Variants in EIF4G3 observed in about 807,000 individuals in gnomAD.
EIF4G3 encodes the protein eIF-4-gamma 3.
EIF4G3 carries 34 observed loss-of-function variants against 186.4 expected under a neutral mutation model. The ratio of observed to expected loss-of-function variants is 0.18; its 90% CI spans 0.14 to 0.24. The LOEUF (loss-of-function observed/expected upper bound fraction) is 0.24, where lower values mean the gene tolerates loss of function less well. Ranked by LOEUF, EIF4G3 falls within the 10% of genes least tolerant of loss-of-function variation. The pLI, the probability that EIF4G3 is intolerant of heterozygous loss-of-function variation, is 1.00. For missense variants in EIF4G3, 1,536 were observed against 1,948.5 expected (o/e 0.79, Z 3.99); for synonymous variants, 673 against 679.5 (o/e 0.99, Z 0.15).
intron 2 of EIF4G3, among the ~76,000 whole-genome samples, chr1:21,147,742 A>T (rs2097474510): frequency 6.6e-6 from 1 of 152,248 alleles, no homozygotes; most frequent in African/African-American, 2.4e-5. Context: ...AGAAAAAAAT[A>T]AGCCTTACAA....
At chr1:20,877,983 A>G (rs2081333806) in intron 20 of EIF4G3, among the ~76,000 whole-genome samples, 1 of 152,112 alleles carries the variant, frequency 6.6e-6, no homozygotes, top group African/African-American at 2.4e-5. Context: ...AGCTGGGATT[A>G]CAGGCGCACG....
intron 29 of EIF4G3, among the ~76,000 whole-genome samples, chr1:20,849,046 C>CAAAAAAAAA (rs60344352): frequency 1.1e-4 from 2 of 17,400 alleles, no homozygotes; most frequent in African/African-American, 3.2e-4. Context: ...GACTCTGTCT[C>CAAAAAAAAA]AAAAAAAAAA....
chr1:20,940,453 G>A (rs1186531192), intron 14 of EIF4G3, among the ~76,000 whole-genome samples: 1 of 152,164 alleles, frequency 6.6e-6, no homozygotes, highest in African/African-American at 2.4e-5. Context: ...GAACTGAGCT[G>A]GGTAGAAAAG....
chr1:21,018,510 A>C (rs1016893847), intron 4 of EIF4G3, among the ~76,000 whole-genome samples: 1 of 151,800 alleles, frequency 6.6e-6, no homozygotes, highest in Non-Finnish European at 1.5e-5. Flanking sequence ...CAGTGAGCTG[A>C]GATCACGCCA....
chr1:20,844,877 G>A (rs541560317), intron 29 of EIF4G3, among the ~76,000 whole-genome samples: 32 of 152,112 alleles, frequency 2.1e-4, no homozygotes, highest in African/African-American at 7.0e-4. Flanking sequence ...AACCTTTGTC[G>A]GATGTGTATA....
intron 4 of EIF4G3, among the ~76,000 whole-genome samples, chr1:21,046,485 C>G (rs369593298): frequency 1.3e-5 from 2 of 152,336 alleles, no homozygotes; most frequent in East Asian, 3.9e-4. Flanking sequence ...CATTTTCCCT[C>G]TTTCACGTTT....
intron 14 of EIF4G3, among the ~76,000 whole-genome samples, chr1:20,917,134 C>A (rs1429510904): frequency 6.6e-6 from 1 of 152,110 alleles, no homozygotes; most frequent in Non-Finnish European, 1.5e-5. Flanking sequence ...TGTGGCAAAT[C>A]CATACTCGGC....
At chr1:20,947,444 T>C (rs1283910148) in intron 13 of EIF4G3, among the ~76,000 whole-genome samples, 1 of 150,908 alleles carries the variant, frequency 6.6e-6, no homozygotes, top group South Asian at 2.1e-4. Flanking sequence ...ATAAATTTGG[T>C]TAAAAAAAAA....
At chr1:20,884,235 A>T (rs750297637) in intron 19 of EIF4G3, among the ~76,000 whole-genome samples, 5 of 152,380 alleles carry the variant, frequency 3.3e-5, no homozygotes, top group Non-Finnish European at 5.9e-5. Flanking sequence ...ATGCTGCCTC[A>T]TATCAAGATA....
intron 12 of EIF4G3, among the ~76,000 whole-genome samples, chr1:20,960,696 C>A (rs948754511): frequency 6.6e-6 from 1 of 152,032 alleles, no homozygotes; most frequent in African/African-American, 2.4e-5. Flanking sequence ...GATGTCAAGG[C>A]TGCAGTGAGC....
chr1:21,168,266 G>T (rs1396092296), intron 2 of EIF4G3, among the ~76,000 whole-genome samples: 2 of 151,936 alleles, frequency 1.3e-5, no homozygotes, highest in Non-Finnish European at 2.9e-5. Flanking sequence ...TTAGCCGGTC[G>T]TGGTGGAGGG....
intron 2 of EIF4G3, among the ~76,000 whole-genome samples, chr1:21,139,640 G>T (rs781675591): frequency 9.2e-5 from 14 of 152,072 alleles, no homozygotes; most frequent in Admixed American, 2.0e-4. Flanking sequence ...CTTAAGCTAG[G>T]GGTCTTAACT....
chr1:20,819,940 GAA>G (rs2061907058), intron 33 of EIF4G3, among the ~76,000 whole-genome samples: 1 of 152,238 alleles, frequency 6.6e-6, no homozygotes, highest in South Asian at 2.1e-4. Flanking sequence ...GAGACAGAAA[GAA>G]AGAGAGAGAG....
chr1:21,161,158 G>C (rs1425854774), intron 2 of EIF4G3, among the ~76,000 whole-genome samples: 4 of 149,164 alleles, frequency 2.7e-5, no homozygotes, highest in Non-Finnish European at 4.5e-5. Context: ...GCAAGAGAGA[G>C]AGACTCCATC....
intron 10 of EIF4G3, among the ~76,000 whole-genome samples, chr1:20,977,185 A>T (rs1199041177): frequency 6.6e-6 from 1 of 151,610 alleles, no homozygotes; most frequent in African/African-American, 2.4e-5. Flanking sequence ...ACTCTATATT[A>T]TTGAAATTTT....
rs1558545006 is a variant in EIF4G3, at chr1:20,981,144, G to C, written c.282C>G (p.Pro94=). 6 of 1,613,866 alleles carry C rather than the reference G, an allele frequency of 3.7e-6. No individual in the cohort carries two copies. The highest frequency in any genetic ancestry group is 5.1e-6 in the Non-Finnish European group (6 of 1,179,896). ...SPSIRPGAQT[P]TAVYQANQHI... Reference sequence around the variant, plus strand: ...GCTGATTAGCCTGGTACACTGCAGTGGGTGTCTGTGCACCAGGACGAATGG... The same window carrying C: ...GCTGATTAGCCTGGTACACTGCAGTCGGTGTCTGTGCACCAGGACGAATGG... The change falls in exon 9 of 37, where the codon CCC becomes CCG. Residue 94 remains proline, a synonymous_variant. Transcript: ENST00000602326.
intron 10 of EIF4G3, among the ~76,000 whole-genome samples, chr1:20,973,533 G>T (rs1286409026): frequency 2.0e-5 from 3 of 152,184 alleles, no homozygotes; most frequent in African/African-American, 7.2e-5. Flanking sequence ...GAAAGTAGGG[G>T]TGATCTAATT....
intron 32 of EIF4G3, among the ~76,000 whole-genome samples, chr1:20,825,579 T>C (rs10916873): frequency 0.026 from 3,969 of 152,306 alleles, 169 homozygotes; most frequent in African/African-American, 0.089. Context: ...ATTAAATAAT[T>C]GATTTATGAG....
intron 4 of EIF4G3, among the ~76,000 whole-genome samples, chr1:21,022,091 T>C (rs966933120): frequency 1.3e-5 from 2 of 152,170 alleles, no homozygotes; most frequent in Non-Finnish European, 2.9e-5. Flanking sequence ...GCACCGAAAA[T>C]GCATATCTGT....
Sources: gnomAD v4.1 joint callset for allele counts (sites outside exome capture counted in the v4.1 genomes callset) on GRCh38, gnomAD v4.1.1 for gene constraint, MANE v1.5 for transcripts, NCBI Gene and HGNC (gene_info 2026-07-23, HGNC 2026-07-21) for gene names.